DENND4A: variants seen among roughly 807,000 people sequenced by gnomAD.
The protein encoded by DENND4A is DENN domain containing 4A.
In DENND4A, 70 loss-of-function variants were observed where a neutral mutation model predicts 199.3. That is an observed-to-expected ratio of 0.35 (90% CI 0.29 to 0.43). The LOEUF is 0.43. Ranked by LOEUF, DENND4A falls within the 20% of genes least tolerant of loss-of-function variation. DENND4A has a pLI of 1.00. For synonymous variants in DENND4A, 686 were observed against 766.9 expected (o/e 0.89, Z 1.74); for missense variants, 1,723 against 2,255.8 (o/e 0.76, Z 4.78).
At chr15:65,715,727 C>T (rs1479317815) in intron 13 of DENND4A, 104 bp from the exon 14 acceptor site, 1 of 1,075,476 alleles carries the variant, frequency 9.3e-7, no homozygotes, top group Non-Finnish European at 1.3e-6. Flanking sequence ...TCTATACCTC[C>T]CACACCACTA....
At chr15:65,761,715 A>G (rs916563924) in intron 1 of DENND4A, among the ~76,000 whole-genome samples, 2 of 152,152 alleles carry the variant, frequency 1.3e-5, no homozygotes, top group Admixed American at 6.6e-5. Flanking sequence ...AAGCAAGAAG[A>G]ATAAATAAGG....
At chr15:65,788,234 G>A (rs1435885462) in intron 1 of DENND4A, among the ~76,000 whole-genome samples, 3 of 151,800 alleles carry the variant, frequency 2.0e-5, no homozygotes, top group Admixed American at 6.6e-5. Context: ...CTGCCACCAC[G>A]CCCGGCTAAT....
In DENND4A at chr15:65,717,766, G is replaced by T. The variant is rs1010949219; in HGVS notation, c.1807+12C>A. ...AATAACCTGAAAGCTTTAAAACTATGCAGTCACTCACCTTGTAGGGCAAAG... is the reference window on the plus strand; with the variant it reads ...AATAACCTGAAAGCTTTAAAACTATTCAGTCACTCACCTTGTAGGGCAAAG... On this transcript the variant is annotated intron_variant, in intron 13 of 32. Transcript: ENST00000443035. 1 of 1,575,212 alleles carries T rather than the reference G, an allele frequency of 6.3e-7. No individual in the cohort carries two copies. The highest frequency in any genetic ancestry group is 8.6e-7 in the Non-Finnish European group (1 of 1,160,426).
intron 1 of DENND4A, among the ~76,000 whole-genome samples, chr15:65,770,486 T>A (rs2140875970): frequency 6.6e-6 from 1 of 152,328 alleles, no homozygotes; most frequent in Admixed American, 6.5e-5. Flanking sequence ...TAGCATTTCA[T>A]TTCTATGCAT....
intron 3 of DENND4A, among the ~76,000 whole-genome samples, chr15:65,753,200 C>A (rs1302642337): frequency 2.0e-5 from 3 of 152,186 alleles, no homozygotes; most frequent in Non-Finnish European, 4.4e-5. Context: ...GTGGACCTGG[C>A]ATCCATTCAT....
In DENND4A at chr15:65,737,687, A is replaced by G; in HGVS notation, c.1040+20T>C. On this transcript the variant is annotated intron_variant, in intron 7 of 32. Coordinates refer to ENST00000443035, the MANE Select transcript of DENND4A (RefSeq NM_001320835.1). ...AATGGAAAGATCTGTCAAATGTTGA[A>G]CCAAGAACACTTAACTTACTTCTCA... is the stretch of plus-strand genomic sequence containing the variant. The G allele has an allele frequency of 6.4e-7, 1 of 1,551,744 alleles. No homozygotes were observed. The highest frequency in any genetic ancestry group is 2.0e-5 in the Admixed American group (1 of 50,710).
chr15:65,721,448 G>A (rs570306842), intron 12 of DENND4A, among the ~76,000 whole-genome samples: 6 of 151,984 alleles, frequency 3.9e-5, no homozygotes, highest in African/African-American at 1.5e-4. Context: ...ACATAAATGT[G>A]TATTACATAA....
intron 32 of DENND4A, among the ~76,000 whole-genome samples, chr15:65,663,217 T>TTTTTTTTTTTA (rs1566978904): frequency 1.4e-5 from 2 of 145,204 alleles, no homozygotes; most frequent in African/African-American, 5.2e-5. Context: ...TTTTTATTTT[T>TTTTTTTTTTTA]TTTTTTGGTT....
intron 9 of DENND4A, 50 bp downstream of exon 9, chr15:65,731,592 A>AT: frequency 1.5e-6 from 2 of 1,312,750 alleles, no homozygotes; most frequent in Non-Finnish European, 2.1e-6. Flanking sequence ...AAATATTTGA[A>AT]TGTTATGCTA....
intron 1 of DENND4A, among the ~76,000 whole-genome samples, chr15:65,773,478 G>T (rs2077196304): frequency 6.6e-6 from 1 of 152,138 alleles, no homozygotes; most frequent in South Asian, 2.1e-4. Context: ...CACAGCTTAG[G>T]CTTGAGGAGT....
intron 24 of DENND4A, among the ~76,000 whole-genome samples, chr15:65,672,543 C>A (rs1418482913): frequency 1.3e-5 from 2 of 151,266 alleles, no homozygotes; most frequent in African/African-American, 2.4e-5. Context: ...GGGTAGGAGT[C>A]CAAATTTCTT....
chr15:65,734,545 G>GT (rs1339675287), intron 7 of DENND4A, among the ~76,000 whole-genome samples: 2 of 152,046 alleles, frequency 1.3e-5, no homozygotes, highest in Non-Finnish European at 2.9e-5. Flanking sequence ...TTGTCTCTGT[G>GT]TTTTTTTCTT....
intron 24 of DENND4A, among the ~76,000 whole-genome samples, chr15:65,676,141 A>AAAAAATATATATATATAT (rs1362535499): frequency 2.7e-5 from 3 of 110,464 alleles, no homozygotes; most frequent in East Asian, 6.1e-4. Flanking sequence ...AATAAGGAAA[A>AAAAAATATATATATATAT]ATATATATAT....
At chr15:65,766,193 G>C (rs772550620) in intron 1 of DENND4A, among the ~76,000 whole-genome samples, 6 of 150,948 alleles carry the variant, frequency 4.0e-5, no homozygotes, top group Non-Finnish European at 8.8e-5. Context: ...AGAGGTTGTG[G>C]TGAGCTGAGA....
Position 65,676,395 on chromosome 15 carries a change from C to G in DENND4A, c.4369+50G>C, listed in dbSNP as rs1322113712. 3 of 1,374,368 alleles carry G rather than the reference C, an allele frequency of 2.2e-6. No individual in the cohort carries two copies. The African/African-American group carries it at 4.4e-5, about 20-fold the overall frequency. The allele number at this position is 1,374,368 out of a possible 1,614,324, so 85.1% of individuals were successfully genotyped here. ...AGAAAAAAGTGAAAGTGTCACAATT[C>G]AAATGAAACTACAAATCAAATGCAG... On this transcript the variant is annotated intron_variant, in intron 24 of 32. Coordinates refer to ENST00000443035, the MANE Select transcript of DENND4A (RefSeq NM_001320835.1).
At chr15:65,769,198 T>TACACACACAC (rs3082834) in intron 1 of DENND4A, among the ~76,000 whole-genome samples, 7 of 146,380 alleles carry the variant, frequency 4.8e-5, no homozygotes, top group Admixed American at 1.4e-4. Context: ...ATATAAGGTA[T>TACACACACAC]ACACACACAC....
At chr15:65,678,850 T>C (rs954302000) in intron 23 of DENND4A, among the ~76,000 whole-genome samples, 1 of 150,844 alleles carries the variant, frequency 6.6e-6, no homozygotes, top group African/African-American at 2.4e-5. Flanking sequence ...CCACCATGAC[T>C]GGCTAATTTT....
intron 11 of DENND4A, chr15:65,727,908 C>T (rs1388171809): frequency 3.3e-6 from 1 of 301,376 alleles, no homozygotes; most frequent in South Asian, 3.0e-5. Flanking sequence ...AAAACCCTTG[C>T]ATCCCTAGGG....
chr15:65,786,039 TA>T (rs2077558420), intron 1 of DENND4A, among the ~76,000 whole-genome samples: 1 of 152,070 alleles, frequency 6.6e-6, no homozygotes, highest in South Asian at 2.1e-4. Context: ...AAATATCTTA[TA>T]AAGGGAAAAA....
Sources: allele counts gnomAD v4.1 joint callset (sites outside exome capture counted in the v4.1 genomes callset), GRCh38; gene constraint gnomAD v4.1.1; transcripts MANE v1.5; gene names NCBI Gene and HGNC (gene_info 2026-07-23, HGNC 2026-07-21).